PEX5L: variants seen among roughly 807,000 people sequenced by gnomAD.
PEX5L encodes PEX5-related protein.
PEX5L carries 30 observed loss-of-function variants against 84.0 expected under a neutral mutation model. The observed-to-expected ratio is 0.36, with a 90% CI of 0.27 to 0.48. The LOEUF (loss-of-function observed/expected upper bound fraction) is 0.48. PEX5L is among the 20% of genes least tolerant of loss of function. The probability of loss-of-function intolerance (pLI) is 0.99; values close to 1 mark genes in which losing one functional copy is unlikely to be tolerated. For synonymous variants in PEX5L, 270 were observed against 283.1 expected, an observed-to-expected ratio of 0.95 and a Z score of 0.46; for missense variants, 533 against 754.6, an observed-to-expected ratio of 0.71 and a Z score of 3.44.
At chr3:179,837,376 C>T (rs1431163310) in intron 8 of PEX5L, among the ~76,000 whole-genome samples, 1 of 152,200 alleles carries the variant, frequency 6.6e-6, no homozygotes, top group Non-Finnish European at 1.5e-5. Flanking sequence ...TGGAACAAGA[C>T]TCCTCATCAT....
intron 2 of PEX5L, among the ~76,000 whole-genome samples, chr3:179,941,405 C>T (rs1420187884): frequency 6.6e-6 from 1 of 152,136 alleles, no homozygotes. Flanking sequence ...AGTATTTTTC[C>T]TTTTGTGTCT....
intron 8 of PEX5L, among the ~76,000 whole-genome samples, chr3:179,854,056 G>T (rs1426416838): frequency 7.1e-6 from 1 of 140,450 alleles, no homozygotes; most frequent in East Asian, 2.3e-4. Flanking sequence ...CAGGCAATCT[G>T]CCTGCCCAGG....
intron 2 of PEX5L, among the ~76,000 whole-genome samples, chr3:179,908,357 G>C (rs1763967365): frequency 6.6e-6 from 1 of 152,190 alleles, no homozygotes; most frequent in Admixed American, 6.5e-5. Context: ...AAAGTAGGAA[G>C]GCCACGTGGC....
intron 4 of PEX5L, among the ~76,000 whole-genome samples, chr3:179,882,293 T>C (rs1486217333): frequency 2.0e-5 from 3 of 152,234 alleles, no homozygotes; most frequent in Non-Finnish European, 4.4e-5. Context: ...ATTCTATATC[T>C]TCTTCTCACA....
chr3:179,951,397 A>G lies in PEX5L; in HGVS notation c.93+20197T>C, dbSNP rs560059811. 5.9e-5 allele frequency among the ~76,000 whole-genome samples: 9 copies of G among 152,274 alleles called. No homozygotes were observed. In the South Asian group the frequency reaches 1.7e-3, roughly 28 times the overall value. ...CCATCTCCAGTAGCCAGTTTTGACT[A>G]CTTGATTAAATTCTGGGCAATGAAG... On this transcript the variant is annotated intron_variant, in intron 2 of 14. Coordinates refer to ENST00000467460, the MANE Select transcript of PEX5L (RefSeq NM_016559.3).
At chr3:179,885,086 C>T (rs574961212) in intron 4 of PEX5L, among the ~76,000 whole-genome samples, 18 of 152,094 alleles carry the variant, frequency 1.2e-4, no homozygotes, top group African/African-American at 4.3e-4. Flanking sequence ...AAATAAGAGT[C>T]TTTCTTCAGG....
intron 8 of PEX5L, among the ~76,000 whole-genome samples, chr3:179,834,119 T>C (rs1734128988): frequency 6.6e-6 from 1 of 152,182 alleles, no homozygotes; most frequent in African/African-American, 2.4e-5. Context: ...GGATTATAGG[T>C]GTGAGCCACT....
At chr3:179,963,619 G>C (rs1782610242) in intron 2 of PEX5L, among the ~76,000 whole-genome samples, 1 of 152,096 alleles carries the variant, frequency 6.6e-6, no homozygotes. Flanking sequence ...TATTTTGTCT[G>C]ATTATATACT....
chr3:179,816,122 C>A, intron 9 of PEX5L, 118 bp from the exon 10 acceptor site: 2 of 969,056 alleles, frequency 2.1e-6, no homozygotes, highest in East Asian at 4.9e-5. Context: ...TGTGGAGAAA[C>A]AGGAACACTT....
intron 8 of PEX5L, among the ~76,000 whole-genome samples, chr3:179,823,998 T>C (rs1425684266): frequency 2.0e-5 from 3 of 152,134 alleles, no homozygotes; most frequent in East Asian, 3.8e-4. Flanking sequence ...TTTCCTTCAC[T>C]TTTTTGATTG....
Position 179,850,416 on chromosome 3 carries a change from C to T in PEX5L, c.822+8646G>A, listed in dbSNP as rs939216254. Among the ~76,000 whole-genome samples the T allele has an allele frequency of 3.3e-5, 5 of 152,134 alleles. No individual in the cohort carries two copies. The East Asian group carries it at 5.8e-4, about 18-fold the overall frequency. On this transcript the variant is annotated intron_variant, in intron 8 of 14. Transcript: ENST00000467460. ...TGCTGGGATTACAGGTGTGAGCCACCGTGCCAGGCCTTATCTTGCCTTATA... is the reference window on the plus strand; with the variant it reads ...TGCTGGGATTACAGGTGTGAGCCACTGTGCCAGGCCTTATCTTGCCTTATA...
chr3:179,832,073 G>A (rs538169248), intron 8 of PEX5L, among the ~76,000 whole-genome samples: 14 of 152,248 alleles, frequency 9.2e-5, no homozygotes, highest in African/African-American at 3.4e-4. Context: ...ACAGCAACAT[G>A]TTTATAAGGC....
At chr3:179,956,882 T>TC (rs1162202269) in intron 2 of PEX5L, among the ~76,000 whole-genome samples, 2 of 143,942 alleles carry the variant, frequency 1.4e-5, no homozygotes, top group Non-Finnish European at 3.0e-5. Flanking sequence ...CGTATATGTC[T>TC]AATCATAGTA....
At position 180,029,237 on chromosome 3, in the gene PEX5L, C is replaced by CTCTCG. The variant is rs11282492; in HGVS notation, c.21+7341_21+7342insCGAGA. Among the ~76,000 whole-genome samples, 1,423 of 152,052 alleles carry CTCTCG rather than the reference C, an allele frequency of 9.4e-3. 34 individuals carry two copies. The highest frequency in any genetic ancestry group is 0.032 in the African/African-American group (1,322 of 41,456). On this transcript the variant is annotated intron_variant, in intron 1 of 14. Coordinates refer to ENST00000467460, the MANE Select transcript of PEX5L (RefSeq NM_016559.3). The stretch of plus-strand genomic sequence containing the variant: ...AGAGACGGGGTTTCACCATGTTGGC[C>CTCTCG]AGGCTGGTCTCGAACTCCTGACCTC...
intron 2 of PEX5L, among the ~76,000 whole-genome samples, chr3:179,931,458 C>A (rs73060751): frequency 6.6e-6 from 1 of 152,138 alleles, no homozygotes; most frequent in African/African-American, 2.4e-5. Context: ...AATCTCTTCA[C>A]GGTCTGCTTT....
Position 179,809,518 on chromosome 3 carries a change from C to T in PEX5L, c.1305G>A (p.Lys435=), listed in dbSNP as rs1722900232. 2 of 1,613,970 alleles carry T rather than the reference C, an allele frequency of 1.2e-6. No individual in the cohort carries two copies. Among genetic ancestry groups the T allele is most frequent in the Admixed American group, 1.7e-5 (1 of 59,992 alleles). The change falls in exon 12 of 15, where the codon AAG becomes AAA. Residue 435 remains lysine, a synonymous_variant. Coordinates refer to ENST00000467460, the MANE Select transcript of PEX5L (RefSeq NM_016559.3). ...TCCGCCGGGTGAGGCCTGGAGATCC[C>T]TTCTTGCTTTTCACAAGGTATTTGT... is the stretch of plus-strand genomic sequence containing the variant. ...PKYKYLVKSK[K]GSPGLTRRMS...
intron 2 of PEX5L, among the ~76,000 whole-genome samples, chr3:179,911,053 G>A (rs1412172835): frequency 6.6e-6 from 1 of 152,142 alleles, no homozygotes; most frequent in African/African-American, 2.4e-5. Flanking sequence ...AGTACAACCA[G>A]GTAGCGCACT....
chr3:179,879,289 G>A (rs1160732962), intron 5 of PEX5L, among the ~76,000 whole-genome samples: 1 of 152,152 alleles, frequency 6.6e-6, no homozygotes, highest in African/African-American at 2.4e-5. Context: ...AGAATACAGT[G>A]GAAAACATAT....
chr3:179,846,208 TTTGTTGTTGATACATAAGAG>T (rs1279703188), intron 8 of PEX5L, among the ~76,000 whole-genome samples: 1 of 152,110 alleles, frequency 6.6e-6, no homozygotes, highest in African/African-American at 2.4e-5. Flanking sequence ...GTTTTTAAAA[TTTGTTGTTGATACATAAGAG>T]TTGTACATAT....
Sources: allele counts gnomAD v4.1 joint callset (sites outside exome capture counted in the v4.1 genomes callset), GRCh38; gene constraint gnomAD v4.1.1; transcripts MANE v1.5; gene names NCBI Gene and HGNC (gene_info 2026-07-23, HGNC 2026-07-21).